ADARB2: variants seen among roughly 807,000 people sequenced by gnomAD.
The protein encoded by ADARB2 is adenosine deaminase RNA specific B2 (inactive).
Under a neutral mutation model 62.2 loss-of-function variants are expected in ADARB2, and 25 were observed. That is an observed-to-expected ratio of 0.40 (90% confidence interval 0.29 to 0.56). The LOEUF (loss-of-function observed/expected upper bound fraction) is 0.56, where lower values mean the gene tolerates loss of function less well. Ranked by LOEUF, ADARB2 falls within the 20% of genes least tolerant of loss-of-function variation. ADARB2 has a pLI of 0.43. For synonymous variants in ADARB2, 572 were observed against 500.8 expected (o/e 1.14, Z -1.90); for missense variants, 1,071 against 1,077.4 (o/e 0.99, Z 0.08).
chr10:1,654,334 A>G (rs897452015), intron 1 of ADARB2, among the ~76,000 whole-genome samples: 18 of 152,150 alleles, frequency 1.2e-4, no homozygotes, highest in Non-Finnish European at 2.4e-4. Context: ...AGCTCACCCA[A>G]GGCTGCAGTG....
chr10:1,549,491 G>A (rs1195073517), intron 1 of ADARB2, among the ~76,000 whole-genome samples: 1 of 151,986 alleles, frequency 6.6e-6, no homozygotes, highest in Non-Finnish European at 1.5e-5. Flanking sequence ...CAGGGTGCCC[G>A]GGGTTGGTGT....
intron 1 of ADARB2, among the ~76,000 whole-genome samples, chr10:1,732,804 T>A (rs989368997): frequency 6.6e-6 from 1 of 152,226 alleles, no homozygotes; most frequent in Non-Finnish European, 1.5e-5. Flanking sequence ...TCTATTTCAT[T>A]AATTTTTCAT....
intron 1 of ADARB2, among the ~76,000 whole-genome samples, chr10:1,691,693 C>T (rs986596775): frequency 1.3e-5 from 2 of 152,226 alleles, no homozygotes; most frequent in African/African-American, 4.8e-5. Flanking sequence ...ACATGGCTCC[C>T]TGTGTGCTCA....
chr10:1,311,036 A>AGG (rs1831685250), intron 3 of ADARB2, among the ~76,000 whole-genome samples: 1 of 152,228 alleles, frequency 6.6e-6, no homozygotes, highest in Non-Finnish European at 1.5e-5. Flanking sequence ...AGGCAAATGA[A>AGG]GACTGAGACA....
At chr10:1,320,871 G>T (rs188646769) in intron 3 of ADARB2, among the ~76,000 whole-genome samples, 1 of 152,330 alleles carries the variant, frequency 6.6e-6, no homozygotes, top group Non-Finnish European at 1.5e-5. Flanking sequence ...ACATTTTGGA[G>T]GTGGGGCATT....
chr10:1,318,925 C>G (rs75985156), intron 3 of ADARB2, among the ~76,000 whole-genome samples: 1 of 152,160 alleles, frequency 6.6e-6, no homozygotes, highest in Non-Finnish European at 1.5e-5. Flanking sequence ...GGTAGATGGA[C>G]CGTGCTCCAA....
intron 1 of ADARB2, among the ~76,000 whole-genome samples, chr10:1,605,888 G>A (rs867301104): frequency 2.6e-5 from 4 of 152,116 alleles, no homozygotes; most frequent in Non-Finnish European, 5.9e-5. Flanking sequence ...GTCAATGATT[G>A]GAATGAAATA....
In ADARB2 at chr10:1,281,053, G is replaced by T. The variant is rs186741280; in HGVS notation, c.1078-9984C>A. ...TCCATGAGAAAAAGACAAAGAAAAC[G>T]TGGCAATCAAATTGAAGACTTATGC... On this transcript the variant is annotated intron_variant, in intron 3 of 9. Coordinates refer to ENST00000381312, the MANE Select transcript of ADARB2 (RefSeq NM_018702.4). Among the ~76,000 whole-genome samples, 360 of 152,338 alleles carry T rather than the reference G, an allele frequency of 2.4e-3. 1 individual carries two copies. The highest frequency in any genetic ancestry group is 0.01 in the Middle Eastern group (3 of 294).
chr10:1,516,004 C>T (rs1443867999), intron 1 of ADARB2, among the ~76,000 whole-genome samples: 1 of 152,192 alleles, frequency 6.6e-6, no homozygotes, highest in Non-Finnish European at 1.5e-5. Flanking sequence ...TATCTGTGGG[C>T]AGGAGATCTG....
chr10:1,216,901 C>T (rs1051285823), intron 7 of ADARB2, 50 bp downstream of exon 7: 16 of 1,583,582 alleles, frequency 1.0e-5, no homozygotes, highest in Non-Finnish European at 1.4e-5. Flanking sequence ...GGGCTTGGCA[C>T]TCCCCACCGG....
At chr10:1,315,515 T>A (rs561510193) in intron 3 of ADARB2, among the ~76,000 whole-genome samples, 5 of 152,368 alleles carry the variant, frequency 3.3e-5, no homozygotes, top group African/African-American at 9.6e-5. Flanking sequence ...TGTTCTTTTT[T>A]AATTCTAAAC....
At chr10:1,587,476 G>A (rs781247241) in intron 1 of ADARB2, among the ~76,000 whole-genome samples, 3 of 151,818 alleles carry the variant, frequency 2.0e-5, no homozygotes, top group African/African-American at 4.8e-5. Flanking sequence ...GTGTAGGTTC[G>A]GTTTCAGACA....
At chr10:1,418,845 TG>T in intron 1 of ADARB2, among the ~76,000 whole-genome samples, 1 of 152,214 alleles carries the variant, frequency 6.6e-6, no homozygotes, top group Non-Finnish European at 1.5e-5. Flanking sequence ...ATCTATGTCT[TG>T]ATTTTTGTCA....
intron 1 of ADARB2, among the ~76,000 whole-genome samples, chr10:1,618,965 G>T (rs1399686478): frequency 1.3e-5 from 2 of 152,172 alleles, no homozygotes; most frequent in African/African-American, 2.4e-5. Context: ...GATTAAGGCA[G>T]GCTGCGAAGG....
At chr10:1,268,606 CTG>C (rs1165223800) in intron 4 of ADARB2, among the ~76,000 whole-genome samples, 5 of 152,164 alleles carry the variant, frequency 3.3e-5, no homozygotes, top group Non-Finnish European at 7.4e-5. Context: ...GCTTGAATAA[CTG>C]AACTAGAATT....
intron 6 of ADARB2, among the ~76,000 whole-genome samples, chr10:1,219,322 G>C (rs1347960177): frequency 6.6e-6 from 1 of 152,204 alleles, no homozygotes; most frequent in Non-Finnish European, 1.5e-5. Flanking sequence ...GGTTTATATA[G>C]GAACTTTCTC....
chr10:1,267,474 C>T (rs1308789131), intron 4 of ADARB2, among the ~76,000 whole-genome samples: 2 of 152,140 alleles, frequency 1.3e-5, no homozygotes, highest in African/African-American at 2.4e-5. Flanking sequence ...AGCAGGACGC[C>T]GGGTCTGCAG....
At chr10:1,406,395 C>T (rs895502971) in intron 1 of ADARB2, among the ~76,000 whole-genome samples, 46 of 152,226 alleles carry the variant, frequency 3.0e-4, no homozygotes, top group African/African-American at 1.0e-3. Flanking sequence ...GCTCGGTACC[C>T]GGGAAGGAGA....
chr10:1,320,057 C>T (rs1250787119), intron 3 of ADARB2, among the ~76,000 whole-genome samples: 1 of 152,218 alleles, frequency 6.6e-6, no homozygotes, highest in Non-Finnish European at 1.5e-5. Context: ...CTCAGCTCAC[C>T]TCTTACTACT....
Sources: gnomAD v4.1 joint callset for allele counts (sites outside exome capture counted in the v4.1 genomes callset) on GRCh38, gnomAD v4.1.1 for gene constraint, MANE v1.5 for transcripts, NCBI Gene and HGNC (gene_info 2026-07-23, HGNC 2026-07-21) for gene names.